CNOT2: variants seen among roughly 807,000 people sequenced by gnomAD.
The protein encoded by CNOT2 is CC chemokine receptor 4-negative regulator of transcription 2.
Under a neutral mutation model 72.1 loss-of-function variants are expected in CNOT2, and 7 were observed. The ratio of observed to expected loss-of-function variants is 0.10; its 90% CI spans 0.06 to 0.18. The LOEUF (loss-of-function observed/expected upper bound fraction) is 0.18, where lower values mean the gene tolerates loss of function less well. CNOT2 is among the 10% of genes least tolerant of loss of function. CNOT2 has a pLI of 1.00. For synonymous variants in CNOT2, 196 were observed against 225.6 expected (o/e 0.87, Z 1.17); for missense variants, 345 against 660.3 (o/e 0.52, Z 5.23).
intron 3 of CNOT2, among the ~76,000 whole-genome samples, chr12:70,317,470 A>G (rs1593218489): frequency 6.6e-6 from 1 of 152,024 alleles, no homozygotes; most frequent in South Asian, 2.1e-4. Context: ...TACCTAAGAA[A>G]AGAACTTATC....
chr12:70,308,231 C>A (rs1044425626), intron 2 of CNOT2, among the ~76,000 whole-genome samples: 1 of 152,102 alleles, frequency 6.6e-6, no homozygotes. Context: ...TTCCATCATT[C>A]TATGTAGAAT....
At chr12:70,341,132 C>T (rs1304937961) in intron 11 of CNOT2, among the ~76,000 whole-genome samples, 1 of 152,064 alleles carries the variant, frequency 6.6e-6, no homozygotes, top group Non-Finnish European at 1.5e-5. Context: ...GTGGTCTGCC[C>T]ACCTTGGCCT....
chr12:70,286,823 G>A lies in CNOT2; in HGVS notation c.48+8549G>A, dbSNP rs1221594940. The stretch of plus-strand genomic sequence containing the variant: ...CTTTAGTTTTCTTTGTGGAAGAATC[G>A]ATAAGTTTATGTATTCTTTCATGTT... On this transcript the variant is annotated intron_variant, in intron 2 of 15. Transcript: ENST00000229195. Among the ~76,000 whole-genome samples, 3 of 150,402 alleles carry A rather than the reference G, an allele frequency of 2.0e-5. 1 individual carries two copies. Among genetic ancestry groups the A allele is most frequent in the East Asian group, 2.0e-4 (1 of 4,968 alleles).
At chr12:70,287,429 AC>A (rs1368132927) in intron 2 of CNOT2, among the ~76,000 whole-genome samples, 1 of 149,312 alleles carries the variant, frequency 6.7e-6, no homozygotes, top group African/African-American at 2.4e-5. Flanking sequence ...CTTTAATCTT[AC>A]GTTTTTAATT....
At chr12:70,278,010 C>CT (rs1869148350) in intron 1 of CNOT2, 122 bp from the exon 2 acceptor site, 1 of 438,932 alleles carries the variant, frequency 2.3e-6, no homozygotes, top group Non-Finnish European at 4.0e-6. Flanking sequence ...ACGAGGAAGA[C>CT]TAGAGTATAG....
At chr12:70,316,558 T>C (rs1877374637) in intron 3 of CNOT2, among the ~76,000 whole-genome samples, 1 of 152,216 alleles carries the variant, frequency 6.6e-6, no homozygotes, top group Admixed American at 6.6e-5. Flanking sequence ...GATATGTCTG[T>C]ATAGCTGATC....
chr12:70,253,390 C>T (rs1406515756), intron 1 of CNOT2, among the ~76,000 whole-genome samples: 1 of 152,134 alleles, frequency 6.6e-6, no homozygotes, highest in Non-Finnish European at 1.5e-5. Context: ...TTGTTGGTTC[C>T]CATGCCATTT....
At chr12:70,305,878 T>TG (rs1213256478) in intron 2 of CNOT2, among the ~76,000 whole-genome samples, 232 of 147,560 alleles carry the variant, frequency 1.6e-3, no homozygotes, top group African/African-American at 5.3e-3. Flanking sequence ...AGTTTGTTTT[T>TG]TTTTTTTTTT....
At chr12:70,335,104 C>T (rs534016669) in intron 7 of CNOT2, 7 of 173,636 alleles carry the variant, frequency 4.0e-5, no homozygotes, top group Admixed American at 5.9e-5. Flanking sequence ...CAAGTTATAT[C>T]GTAACAATCT....
intron 13 of CNOT2, among the ~76,000 whole-genome samples, chr12:70,342,826 G>C (rs187543567): frequency 6.6e-6 from 1 of 152,160 alleles, no homozygotes; most frequent in East Asian, 1.9e-4. Flanking sequence ...GAAGAACTGA[G>C]AGTTTGTTTC....
chr12:70,293,937 T>TAA, intron 2 of CNOT2: 1 of 213,410 alleles, frequency 4.7e-6, no homozygotes, highest in Non-Finnish European at 9.7e-6. Flanking sequence ...TTTTTTTTTT[T>TAA]TTTAAACTTA....
chr12:70,301,578 G>C (rs1873987837), intron 2 of CNOT2: 1 of 151,990 alleles, frequency 6.6e-6, no homozygotes, highest in Non-Finnish European at 1.5e-5. Flanking sequence ...AAGCCCACTT[G>C]ATCATGGTGG....
chr12:70,330,510 G>T (rs1287941786), intron 6 of CNOT2, 41 bp downstream of exon 6: 5 of 1,439,690 alleles, frequency 3.5e-6, no homozygotes, highest in Non-Finnish European at 4.8e-6. Flanking sequence ...GTCTTTCTGG[G>T]TATACTCAGA....
chr12:70,281,384 C>T (rs533542141), intron 2 of CNOT2, among the ~76,000 whole-genome samples: 7 of 152,200 alleles, frequency 4.6e-5, no homozygotes, highest in East Asian at 1.9e-4. Flanking sequence ...GTGCCCGATC[C>T]GGCTTTCCCT....
intron 11 of CNOT2, among the ~76,000 whole-genome samples, chr12:70,339,711 G>A (rs946302954): frequency 1.1e-4 from 17 of 152,038 alleles, no homozygotes; most frequent in Non-Finnish European, 1.5e-4. Flanking sequence ...GCTCTCTTAT[G>A]CAACTATCGT....
intron 2 of CNOT2, among the ~76,000 whole-genome samples, chr12:70,297,343 A>G (rs988272721): frequency 2.6e-5 from 4 of 152,148 alleles, no homozygotes; most frequent in Admixed American, 6.5e-5. Context: ...GCAGACTACA[A>G]ACTCTGTAGC....
intron 2 of CNOT2, among the ~76,000 whole-genome samples, chr12:70,289,906 C>G (rs981976333): frequency 1.9e-4 from 29 of 151,708 alleles, no homozygotes; most frequent in African/African-American, 7.0e-4. Context: ...GGATGCCAGT[C>G]TTTGGAAACT....
intron 1 of CNOT2, among the ~76,000 whole-genome samples, chr12:70,265,273 T>TTCTTCTCTTCTCTCCTCTCCTCTTC (rs1555188153): frequency 8.0e-6 from 1 of 125,382 alleles, no homozygotes; most frequent in African/African-American, 2.8e-5. Flanking sequence ...TTCGTTTTGT[T>TTCTTCTCTTCTCTCCTCTCCTCTTC]TCTTCTCTTC....
chr12:70,305,884 T>TG lies in CNOT2; in HGVS notation c.49-5011_49-5010insG, dbSNP rs1444611418. 3.8e-4 allele frequency among the ~76,000 whole-genome samples: 56 copies of TG among 149,228 alleles called. 2 individuals carry two copies. The highest frequency in any genetic ancestry group is 1.4e-3 in the African/African-American group (55 of 40,688). On this transcript the variant is annotated intron_variant, in intron 2 of 15. Transcript: ENST00000229195. Reference sequence around the variant, plus strand: ...TTTATCTGAAGTTTGTTTTTTTTTTTTTTTTTTTTTGGTAAATTTCTGTGA... The same window carrying TG: ...TTTATCTGAAGTTTGTTTTTTTTTTTGTTTTTTTTTTGGTAAATTTCTGTGA...
Sources: gnomAD v4.1 joint callset for allele counts (sites outside exome capture counted in the v4.1 genomes callset) on GRCh38, gnomAD v4.1.1 for gene constraint, MANE v1.5 for transcripts, NCBI Gene and HGNC (gene_info 2026-07-23, HGNC 2026-07-21) for gene names.